The following ATXN7L1 variants were observed in gnomAD, a reference collection of about 807,000 sequenced individuals.
The protein encoded by ATXN7L1 is ataxin-7-like protein 1.
A neutral mutation model predicts 70.8 loss-of-function variants in ATXN7L1; 15 were observed. The ratio of observed to expected loss-of-function variants is 0.21; its 90% CI spans 0.14 to 0.33. ATXN7L1 has a LOEUF of 0.33. Ranked by LOEUF, ATXN7L1 falls within the 10% of genes least tolerant of loss-of-function variation. The pLI is 1.00. For synonymous variants in ATXN7L1, 440 were observed against 445.1 expected (o/e 0.99, Z 0.14); for missense variants, 975 against 1,097.1 (o/e 0.89, Z 1.57).
chr7:105,631,287 C>T (rs1796562900), intron 7 of ATXN7L1, among the ~76,000 whole-genome samples: 1 of 152,108 alleles, frequency 6.6e-6, no homozygotes, highest in Non-Finnish European at 1.5e-5. Flanking sequence ...ACTATAGAAC[C>T]TCCAAGAAGC....
intron 3 of ATXN7L1, among the ~76,000 whole-genome samples, chr7:105,778,244 T>C (rs1803010400): frequency 1.3e-5 from 2 of 151,362 alleles, no homozygotes; most frequent in Non-Finnish European, 2.9e-5. Flanking sequence ...TGGTGGCTCA[T>C]ACCTGTAGTC....
At chr7:105,610,345 G>C (rs1428334580) in intron 11 of ATXN7L1, among the ~76,000 whole-genome samples, 184 bp downstream of exon 11, 1 of 152,220 alleles carries the variant, frequency 6.6e-6, no homozygotes, top group Non-Finnish European at 1.5e-5. Context: ...TGGAAGCACA[G>C]AGAAGTTAAG....
chr7:105,633,707 G>T (rs900865739), intron 7 of ATXN7L1, among the ~76,000 whole-genome samples: 2 of 152,130 alleles, frequency 1.3e-5, no homozygotes, highest in African/African-American at 4.8e-5. Context: ...GTGACAGGGG[G>T]GAGACTCTGT....
At chr7:105,611,529 A>T (rs1468336383) in intron 10 of ATXN7L1, among the ~76,000 whole-genome samples, 2 of 152,014 alleles carry the variant, frequency 1.3e-5, no homozygotes, top group Non-Finnish European at 2.9e-5. Context: ...GTGCCACCCC[A>T]CCCAGCTAAT....
At chr7:105,746,844 T>C (rs1798643271) in intron 3 of ATXN7L1, among the ~76,000 whole-genome samples, 1 of 152,222 alleles carries the variant, frequency 6.6e-6, no homozygotes, top group South Asian at 2.1e-4. Context: ...TACACATGTA[T>C]ACTTGCTTAT....
At chr7:105,640,888 G>A (rs1356917652) in intron 5 of ATXN7L1, among the ~76,000 whole-genome samples, 1 of 152,248 alleles carries the variant, frequency 6.6e-6, no homozygotes, top group African/African-American at 2.4e-5. Context: ...CAGCAGTGTT[G>A]CTGGTGGTAG....
chr7:105,667,508 G>C (rs1330672989), intron 3 of ATXN7L1, among the ~76,000 whole-genome samples: 1 of 100,728 alleles, frequency 9.9e-6, no homozygotes, highest in African/African-American at 3.0e-5. Flanking sequence ...GACCATCCCG[G>C]CTAAAATGGT....
rs570874775 is a variant in ATXN7L1 at position 105,848,828 on chromosome 7, C to T, written c.250+26984G>A. On this transcript the variant is annotated intron_variant, in intron 2 of 11. Coordinates refer to ENST00000419735, the MANE Select transcript of ATXN7L1 (RefSeq NM_020725.2). ...CAGCCTAGAGCATGCTGCTCCTCGG[C>T]CCAGTGACTATTCTTCTAGCCTCCA... 2.9e-4 allele frequency among the ~76,000 whole-genome samples: 44 copies of T among 152,304 alleles called. No homozygotes were observed. In the South Asian group the frequency reaches 8.1e-3, roughly 28 times the overall value.
chr7:105,819,373 T>A, intron 2 of ATXN7L1: 1 of 475,788 alleles, frequency 2.1e-6, no homozygotes, highest in Admixed American at 3.4e-5. Flanking sequence ...AAAATCTGTA[T>A]ATGCTGGATA....
chr7:105,636,391 T>C (rs1469311137), intron 7 of ATXN7L1, among the ~76,000 whole-genome samples: 3 of 136,622 alleles, frequency 2.2e-5, no homozygotes, highest in Admixed American at 1.5e-4. Flanking sequence ...TGAAACTCTG[T>C]CTCAAAAAAA....
chr7:105,639,561 A>G lies in ATXN7L1; in HGVS notation c.871T>C (p.Phe291Leu). ...ACTCCACAGTGTTTATTTGGGTCAA[A>G]TTCTCTCTCTGGTTTAAGAAACAAA... ...KPYRRLSERE[F>L]DPNKHCGVLD... The change falls in exon 6 of 12, where the codon TTT becomes CTT. Residue 291 changes from phenylalanine (F) to leucine (L), a missense_variant. Physicochemically the swap from Phe to Leu is conservative, Grantham distance 22 (BLOSUM62 0). Transcript: ENST00000419735. The G allele has an allele frequency of 6.4e-7, 1 of 1,550,722 alleles. No individual in the cohort carries two copies. The highest frequency in any genetic ancestry group is 8.7e-7 in the Non-Finnish European group (1 of 1,146,256).
intron 7 of ATXN7L1, among the ~76,000 whole-genome samples, chr7:105,637,109 G>T (rs183688646): frequency 2.0e-5 from 3 of 152,160 alleles, no homozygotes; most frequent in African/African-American, 7.2e-5. Context: ...GTAACGCCAC[G>T]ATGGTGAGCA....
At chr7:105,616,001 C>T (rs1213261789) in intron 9 of ATXN7L1, among the ~76,000 whole-genome samples, 3 of 152,204 alleles carry the variant, frequency 2.0e-5, no homozygotes, top group Admixed American at 6.5e-5. Context: ...GACGTTTGTT[C>T]GTGATTTTGC....
chr7:105,716,300 C>G (rs1353859217), intron 3 of ATXN7L1, among the ~76,000 whole-genome samples: 1 of 152,070 alleles, frequency 6.6e-6, no homozygotes, highest in Non-Finnish European at 1.5e-5. Context: ...CTCTTCATAT[C>G]TGTAATATGA....
At chr7:105,862,456 A>G (rs973559409) in intron 2 of ATXN7L1, among the ~76,000 whole-genome samples, 1 of 152,134 alleles carries the variant, frequency 6.6e-6, no homozygotes, top group African/African-American at 2.4e-5. Context: ...AAATGTGACC[A>G]GTTCCTCTTT....
chr7:105,647,460 C>T (rs1312692092), intron 4 of ATXN7L1, among the ~76,000 whole-genome samples: 3 of 152,330 alleles, frequency 2.0e-5, no homozygotes, highest in East Asian at 3.9e-4. Flanking sequence ...CCAGCCTGAC[C>T]AACATGGTGA....
At chr7:105,805,096 G>C (rs760490030) in intron 2 of ATXN7L1, among the ~76,000 whole-genome samples, 11 of 152,204 alleles carry the variant, frequency 7.2e-5, no homozygotes, top group Non-Finnish European at 1.3e-4. Context: ...AACAACGAAC[G>C]AGCCGGACAG....
intron 3 of ATXN7L1, among the ~76,000 whole-genome samples, chr7:105,715,015 T>G (rs1282699970): frequency 6.6e-6 from 1 of 152,112 alleles, no homozygotes. Context: ...CTGGGTTTCT[T>G]GAGGGTGCGT....
chr7:105,650,236 C>A (rs978616895), intron 4 of ATXN7L1, among the ~76,000 whole-genome samples: 2 of 152,146 alleles, frequency 1.3e-5, no homozygotes, highest in Non-Finnish European at 2.9e-5. Flanking sequence ...CGTGGTATGA[C>A]AGATACAGTT....
Sources: gnomAD v4.1 joint callset for allele counts (sites outside exome capture counted in the v4.1 genomes callset) on GRCh38, gnomAD v4.1.1 for gene constraint, MANE v1.5 for transcripts, NCBI Gene and HGNC (gene_info 2026-07-23, HGNC 2026-07-21) for gene names.